Variants in TJP2 observed in about 807,000 individuals in gnomAD.
The protein encoded by TJP2 is Friedreich ataxia region gene X104 (tight junction protein ZO-2).
A neutral mutation model predicts 133.1 loss-of-function variants in TJP2; 91 were observed. The observed-to-expected ratio is 0.68, with a 90% confidence interval of 0.58 to 0.81. The LOEUF is 0.81. Among genes scored for constraint, TJP2 ranks in the 40% least tolerant of loss-of-function variants. The probability of loss-of-function intolerance (pLI) is 0.00; values close to 1 mark genes in which losing one functional copy is unlikely to be tolerated. For missense variants in TJP2, 1,541 were observed against 1,565.6 expected, an observed-to-expected ratio of 0.98 and a Z score of 0.26; for synonymous variants, 592 against 583.4, an observed-to-expected ratio of 1.01 and a Z score of -0.21.
rs1412275686 is a variant in TJP2 at position 69,181,243 on chromosome 9, T to G, written c.60+6811T>G. 5.8e-4 allele frequency among the ~76,000 whole-genome samples: 6 copies of G among 10,294 alleles called. No homozygotes were observed. In the South Asian group the frequency reaches 0.037, roughly 64 times the overall value. The allele number at this position is 10,294 out of a possible 152,430, so 6.8% of individuals were successfully genotyped here. A position where few individuals can be genotyped will look rare whatever the true frequency, so the allele number is the denominator to read the frequency against. On this transcript the variant is annotated intron_variant, in intron 1 of 22. Coordinates refer to ENST00000377245, the MANE Select transcript of TJP2 (RefSeq NM_004817.4). ...TTGTGACTCTAGTTTGCAATTTCTT[T>G]TTTTTTTTTTTTTTTTTTTTTTTGA...
chr9:69,157,506 C>T (rs1587928474), intron 2 of TJP2, among the ~76,000 whole-genome samples: 1 of 151,290 alleles, frequency 6.6e-6, no homozygotes, highest in South Asian at 2.1e-4. Flanking sequence ...CACTCTGTCG[C>T]CCAGGCTGGA....
chr9:69,254,740 C>A lies in TJP2; in HGVS notation c.*366C>A. The stretch of plus-strand genomic sequence containing the variant: ...TAATAGCTGCCTTCAAGGACTGTTT[C>A]AGTGTGAGTCAGAATGTGAAAAAGG... On this transcript the variant is annotated 3_prime_UTR_variant, in exon 23 of 23. Coordinates refer to ENST00000377245, the MANE Select transcript of TJP2 (RefSeq NM_004817.4). 1 of 527,568 alleles carries A rather than the reference C, an allele frequency of 1.9e-6. No individual in the cohort carries two copies. Among genetic ancestry groups the A allele is most frequent in the Non-Finnish European group, 3.3e-6 (1 of 300,150 alleles). 32.7% of individuals were successfully genotyped at this position (527,568 alleles called of 1,614,324 possible). A position where few individuals can be genotyped will look rare whatever the true frequency, so the allele number is the denominator to read the frequency against.
At chr9:69,150,871 A>C (rs978463158) in intron 1 of TJP2, among the ~76,000 whole-genome samples, 1 of 152,314 alleles carries the variant, frequency 6.6e-6, no homozygotes, top group African/African-American at 2.4e-5. Flanking sequence ...ACTTCCACCA[A>C]CTGAAGAATA....
chr9:69,250,918 G>A (rs1831283961), intron 20 of TJP2, 117 bp from the exon 21 acceptor site: 1 of 1,076,096 alleles, frequency 9.3e-7, no homozygotes, highest in South Asian at 1.3e-5. Context: ...TTGTCAGAAT[G>A]GTATTTGTGG....
At chr9:69,121,401 C>T (rs1408858016), upstream of TJP2, 5 of 964,052 alleles carry the variant, frequency 5.2e-6, no homozygotes, top group Non-Finnish European at 6.2e-6. Context: ...CCCTCCCCGC[C>T]GCTGCTCTCT....
At chr9:69,157,862 GT>G (rs1417583536) in intron 2 of TJP2, among the ~76,000 whole-genome samples, 4 of 152,070 alleles carry the variant, frequency 2.6e-5, no homozygotes, top group Non-Finnish European at 5.9e-5. Flanking sequence ...CAGAGTGCTG[GT>G]CATTTGGCCT....
chr9:69,212,871 AAAAG>A (rs1460202004), intron 2 of TJP2, among the ~76,000 whole-genome samples: 2 of 77,888 alleles, frequency 2.6e-5, no homozygotes, highest in African/African-American at 7.1e-5. Flanking sequence ...TGAAAGAGAG[AAAAG>A]AAAGGGAAGA....
chr9:69,238,620 G>GT lies in TJP2; in HGVS notation c.2276-89dup, dbSNP rs923050425. On this transcript the variant is annotated intron_variant, in intron 15 of 22. Coordinates refer to ENST00000377245, the MANE Select transcript of TJP2 (RefSeq NM_004817.4). Reference sequence around the variant, plus strand: ...CTTGTTAGGAGACACTTAATGTCAGGTGTGCCATCATTGCTTGATGCTAGG... The same window carrying GT: ...CTTGTTAGGAGACACTTAATGTCAGGTTGTGCCATCATTGCTTGATGCTAGG... The GT allele has an allele frequency of 3.1e-6, 3 of 953,822 alleles. No individual in the cohort carries two copies. The African/African-American group carries it at 4.9e-5, about 16-fold the overall frequency. The allele number at this position is 953,822 out of a possible 1,614,324, so 59.1% of individuals were successfully genotyped here. A position where few individuals can be genotyped will look rare whatever the true frequency, so the allele number is the denominator to read the frequency against.
chr9:69,236,898 T>A, intron 13 of TJP2, 51 bp from the exon 14 acceptor site: 1 of 1,587,156 alleles, frequency 6.3e-7, no homozygotes, highest in Non-Finnish European at 8.7e-7. Context: ...GAAATGCATG[T>A]TAGCTGCGTT....
At chr9:69,222,916 A>G (rs1828998657) in intron 5 of TJP2, among the ~76,000 whole-genome samples, 1 of 152,014 alleles carries the variant, frequency 6.6e-6, no homozygotes, top group Non-Finnish European at 1.5e-5. Flanking sequence ...TAAAAATGCA[A>G]AAATTAGGTG....
At chr9:69,206,030 T>A (rs1334861010) in intron 1 of TJP2, among the ~76,000 whole-genome samples, 1 of 152,192 alleles carries the variant, frequency 6.6e-6, no homozygotes, top group African/African-American at 2.4e-5. Context: ...TTAGTTCCTT[T>A]CTCTTCTTTT....
chr9:69,215,347 C>T (rs1828277231), intron 2 of TJP2, among the ~76,000 whole-genome samples: 1 of 151,422 alleles, frequency 6.6e-6, no homozygotes, highest in South Asian at 2.1e-4. Flanking sequence ...GATTGGCTAG[C>T]ACTGGGAAGA....
At chr9:69,132,457 C>T (rs973199328) in intron 1 of TJP2, among the ~76,000 whole-genome samples, 2 of 152,156 alleles carry the variant, frequency 1.3e-5, no homozygotes, top group African/African-American at 4.8e-5. Flanking sequence ...TCTGTTAATG[C>T]AGCCTCGGGG....
chr9:69,187,407 T>G (rs1481120330), intron 1 of TJP2, among the ~76,000 whole-genome samples: 2 of 152,234 alleles, frequency 1.3e-5, no homozygotes, highest in African/African-American at 4.8e-5. Flanking sequence ...ATTTGTGTTG[T>G]CAAAACTGGG....
At chr9:69,179,752 G>C (rs1825363189) in intron 1 of TJP2, among the ~76,000 whole-genome samples, 1 of 152,108 alleles carries the variant, frequency 6.6e-6, no homozygotes, top group Non-Finnish European at 1.5e-5. Context: ...ACCCGCCTCG[G>C]CCTCCCAAAG....
intron 1 of TJP2, among the ~76,000 whole-genome samples, chr9:69,185,648 C>T (rs1825806884): frequency 6.6e-6 from 1 of 152,202 alleles, no homozygotes. Flanking sequence ...AAAGTCATTC[C>T]ACTTTATTAT....
chr9:69,207,124 G>T (rs533779739), intron 1 of TJP2, among the ~76,000 whole-genome samples: 2 of 151,872 alleles, frequency 1.3e-5, no homozygotes, highest in Admixed American at 1.3e-4. Flanking sequence ...CACTGCATGC[G>T]TGCGTACACA....
chr9:69,199,372 TA>T (rs902368694), intron 1 of TJP2, among the ~76,000 whole-genome samples: 2 of 151,768 alleles, frequency 1.3e-5, no homozygotes, highest in Non-Finnish European at 1.5e-5. Flanking sequence ...CTACTAAAAT[TA>T]AAAAAAATTA....
intron 10 of TJP2, 69 bp downstream of exon 10, chr9:69,229,319 A>G: frequency 1.3e-6 from 2 of 1,522,106 alleles, no homozygotes; most frequent in Non-Finnish European, 1.8e-6. Context: ...TGAAATCCAG[A>G]AGAGTGGTGG....
Sources: gnomAD v4.1 joint callset for allele counts (sites outside exome capture counted in the v4.1 genomes callset) on GRCh38, gnomAD v4.1.1 for gene constraint, MANE v1.5 for transcripts, NCBI Gene and HGNC (gene_info 2026-07-23, HGNC 2026-07-21) for gene names.